The following CHD6 variants were observed in gnomAD, a reference collection of about 807,000 sequenced individuals.
CHD6 encodes ATP-dependent chromatin remodeler CHD6.
CHD6 carries 50 observed loss-of-function variants against 276.9 expected under a neutral mutation model. The ratio of observed to expected loss-of-function variants is 0.18; its 90% confidence interval spans 0.14 to 0.23. The LOEUF is 0.23. CHD6 is among the 10% of genes least tolerant of loss of function. The pLI is 1.00. For missense variants in CHD6, 2,564 were observed against 3,365.8 expected (o/e 0.76, Z 5.89); for synonymous variants, 1,173 against 1,229.3 (o/e 0.95, Z 0.96).
rs369435284 is a variant in CHD6, at chr20:41,453,410, G to T, written c.3121-468C>A. On this transcript the variant is annotated intron_variant, in intron 20 of 36. Transcript: ENST00000373233. ...ATTCCTGCTTTATTTATCTGCCTTC[G>T]ACTGGTTCTATCCACTAACCTTTTG... Among the ~76,000 whole-genome samples the T allele has an allele frequency of 4.5e-4, 68 of 152,240 alleles. 1 individual carries two copies. The highest frequency in any genetic ancestry group is 3.3e-4 in the Admixed American group (5 of 15,294).
At chr20:41,535,785 G>A (rs559057482) in intron 2 of CHD6, among the ~76,000 whole-genome samples, 48 of 152,224 alleles carry the variant, frequency 3.2e-4, no homozygotes, top group African/African-American at 1.1e-3. Context: ...AGGATCACTT[G>A]AGCCCAGTAG....
intron 36 of CHD6, 83 bp downstream of exon 36, chr20:41,412,061 T>C: frequency 6.4e-7 from 1 of 1,560,380 alleles, no homozygotes; most frequent in Non-Finnish European, 8.7e-7. Context: ...CCTTCCCAGC[T>C]GGGGCTTTCT....
At chr20:41,440,226 C>A (rs910858545) in intron 25 of CHD6, 97 bp from the exon 26 acceptor site, 15 of 1,062,428 alleles carry the variant, frequency 1.4e-5, no homozygotes, top group Admixed American at 2.2e-5. Context: ...TAGTAAAGAA[C>A]AAAACAAACA....
chr20:41,421,806 T>A lies in CHD6; in HGVS notation c.4829A>T (p.Asp1610Val). 6.2e-7 allele frequency: 1 copy of A among 1,614,192 alleles called. No individual in the cohort carries two copies. The highest frequency in any genetic ancestry group is 8.5e-7 in the Non-Finnish European group (1 of 1,180,044). Residue 1610 changes from aspartate (D) to valine (V), a missense_variant, in exon 31 of 37, where the codon GAT (aspartate) becomes GTT (valine). By Grantham distance (152) the Asp-to-Val change is radical. Coordinates refer to ENST00000373233, the MANE Select transcript of CHD6 (RefSeq NM_032221.5). ...IMNDPQLSFLDAYRNYAQHKR... is the reference protein window; with the variant it reads ...IMNDPQLSFLVAYRNYAQHKR... ...ATGCTGGGCATAGTTTCTATAGGCATCCAGGAAGGACAGCTGGGGGTCGTT... is the reference window on the plus strand; with the variant it reads ...ATGCTGGGCATAGTTTCTATAGGCAACCAGGAAGGACAGCTGGGGGTCGTT...
At chr20:41,526,245 T>G (rs1057034486) in intron 3 of CHD6, among the ~76,000 whole-genome samples, 3 of 152,136 alleles carry the variant, frequency 2.0e-5, no homozygotes, top group Non-Finnish European at 4.4e-5. Flanking sequence ...CTGGTTAACA[T>G]GAAGTCCAAT....
At chr20:41,573,177 G>A (rs1461286695) in intron 1 of CHD6, among the ~76,000 whole-genome samples, 10 of 152,144 alleles carry the variant, frequency 6.6e-5, no homozygotes. Context: ...CCAAAGTGCT[G>A]GGATTACAGA....
chr20:41,600,237 C>T (rs2045759971), intron 1 of CHD6, among the ~76,000 whole-genome samples: 1 of 152,216 alleles, frequency 6.6e-6, no homozygotes, highest in Non-Finnish European at 1.5e-5. Context: ...CCAACAAATC[C>T]AGACCCAACC....
At chr20:41,448,070 T>C (rs2048124430) in intron 23 of CHD6, 99 bp from the exon 24 acceptor site, 2 of 607,206 alleles carry the variant, frequency 3.3e-6, no homozygotes, top group South Asian at 5.2e-5. Context: ...GGCATTCCCA[T>C]GTAGTTAATA....
At chr20:41,480,223 A>G (rs1284447568) in intron 16 of CHD6, among the ~76,000 whole-genome samples, 1 of 152,212 alleles carries the variant, frequency 6.6e-6, no homozygotes, top group African/African-American at 2.4e-5. Flanking sequence ...GGCAGATCAC[A>G]GCTGACAACT....
At chr20:41,456,737 G>A (rs1350032826) in intron 18 of CHD6, among the ~76,000 whole-genome samples, 4 of 152,140 alleles carry the variant, frequency 2.6e-5, no homozygotes, top group African/African-American at 9.7e-5. Flanking sequence ...AGATACTTTA[G>A]GACAATTTAA....
chr20:41,533,190 C>A lies in CHD6; in HGVS notation c.414G>T (p.Lys138Asn). 6.2e-7 allele frequency: 1 copy of A among 1,613,946 alleles called. No individual in the cohort carries two copies. Among genetic ancestry groups the A allele is most frequent in the Non-Finnish European group, 8.5e-7 (1 of 1,180,034 alleles). The change falls in exon 3 of 37, where the codon AAG becomes AAT. Residue 138 changes from lysine to asparagine, a missense_variant. Transcript: ENST00000373233. The stretch of plus-strand genomic sequence containing the variant: ...GCTTCGGCTCCTTGTGCTCCTTGGC[C>A]TTCTTCGGCTCCTTGGCCTTTCTGG... Reference protein sequence around the residue: ...KEPRKAKEPKKAKEHKEPKQK... With the variant: ...KEPRKAKEPKNAKEHKEPKQK...
At chr20:41,465,931 G>A (rs375494679) in intron 17 of CHD6, among the ~76,000 whole-genome samples, 8 of 152,200 alleles carry the variant, frequency 5.3e-5, no homozygotes, top group East Asian at 1.9e-4. Context: ...TAGGCCGGGC[G>A]TGGTGGGTCA....
chr20:41,425,074 A>G (rs1014925861), intron 29 of CHD6, 104 bp downstream of exon 29: 25 of 846,516 alleles, frequency 3.0e-5, no homozygotes, highest in Middle Eastern at 6.4e-4. Flanking sequence ...ACCTAACTTC[A>G]CATGAGAACA....
At chr20:41,607,189 C>A (rs1209951026) in intron 1 of CHD6, among the ~76,000 whole-genome samples, 1 of 152,226 alleles carries the variant, frequency 6.6e-6, no homozygotes. Flanking sequence ...TCCAAACTCA[C>A]AAACACTAAT....
chr20:41,528,503 C>T lies in CHD6; in HGVS notation c.554+4547G>A, dbSNP rs1413303146. On this transcript the variant is annotated intron_variant, in intron 3 of 36. Transcript: ENST00000373233. ...TTTCAGAGTCAGGAAAATGACAGAGCCTAACTTGGCTTCCTGAAGGAGCTT... is the reference window on the plus strand; with the variant it reads ...TTTCAGAGTCAGGAAAATGACAGAGTCTAACTTGGCTTCCTGAAGGAGCTT... Among the ~76,000 whole-genome samples, 5 of 152,166 alleles carry T rather than the reference C, an allele frequency of 3.3e-5. 1 individual carries two copies. Among genetic ancestry groups the T allele is most frequent in the Middle Eastern group, 6.8e-3 (2 of 294 alleles).
intron 7 of CHD6, 113 bp downstream of exon 7, chr20:41,498,055 G>A: frequency 1.3e-6 from 1 of 740,928 alleles, no homozygotes; most frequent in Non-Finnish European, 2.3e-6. Context: ...AAGACCTGTG[G>A]GTCATGCCTT....
intron 1 of CHD6, among the ~76,000 whole-genome samples, chr20:41,601,589 G>A (rs2045774114): frequency 6.6e-6 from 1 of 152,328 alleles, no homozygotes; most frequent in South Asian, 2.1e-4. Flanking sequence ...TGGTATAGCA[G>A]ATATGGTCCC....
intron 27 of CHD6, among the ~76,000 whole-genome samples, chr20:41,433,078 C>G (rs1227378547): frequency 7.7e-6 from 1 of 129,946 alleles, no homozygotes; most frequent in Non-Finnish European, 1.7e-5. Flanking sequence ...ATGTGAATAA[C>G]AGAAAAAAAA....
intron 1 of CHD6, among the ~76,000 whole-genome samples, chr20:41,617,950 G>T (rs1346068245): frequency 6.8e-6 from 1 of 146,618 alleles, no homozygotes; most frequent in Admixed American, 6.8e-5. Flanking sequence ...CCCGCCCCGG[G>T]GGGGGCCTCG....
Sources: gnomAD v4.1 joint callset for allele counts (sites outside exome capture counted in the v4.1 genomes callset) on GRCh38, gnomAD v4.1.1 for gene constraint, MANE v1.5 for transcripts, NCBI Gene and HGNC (gene_info 2026-07-23, HGNC 2026-07-21) for gene names.